The following ABI3BP variants were observed in gnomAD, a reference collection of about 807,000 sequenced individuals.
The protein encoded by ABI3BP is target of Nesh-SH3.
A neutral mutation model predicts 268.6 loss-of-function variants in ABI3BP; 216 were observed. The ratio of observed to expected loss-of-function variants is 0.80; its 90% CI spans 0.72 to 0.90. The LOEUF is 0.90. ABI3BP is among the 40% of genes least tolerant of loss of function. ABI3BP has a pLI of 0.00. For missense variants in ABI3BP, 2,090 were observed against 2,182.4 expected (o/e 0.96, Z 0.84); for synonymous variants, 730 against 730.0 (o/e 1.00, Z 0.00).
intron 63 of ABI3BP, among the ~76,000 whole-genome samples, chr3:100,759,395 T>G (rs1340109664): frequency 2.0e-5 from 3 of 152,074 alleles, no homozygotes; most frequent in Non-Finnish European, 2.9e-5. Context: ...ACATGTAAAG[T>G]TATTATGCTG....
intron 1 of ABI3BP, among the ~76,000 whole-genome samples, chr3:100,964,650 A>T (rs2080572631): frequency 6.6e-6 from 1 of 152,194 alleles, no homozygotes; most frequent in Non-Finnish European, 1.5e-5. Context: ...ACCTGAAGGC[A>T]CAATTGTCCA....
intron 1 of ABI3BP, among the ~76,000 whole-genome samples, chr3:100,942,725 G>A (rs2070027227): frequency 6.6e-6 from 1 of 152,036 alleles, no homozygotes; most frequent in Admixed American, 6.6e-5. Context: ...CATCATCTGG[G>A]AACTTGTGAG....
intron 14 of ABI3BP, among the ~76,000 whole-genome samples, chr3:100,855,412 T>C (rs1206332210): frequency 2.6e-5 from 4 of 152,234 alleles, no homozygotes; most frequent in Non-Finnish European, 5.9e-5. Flanking sequence ...TGTGAAAACT[T>C]CCTTTTTAAC....
At chr3:100,887,651 T>C (rs1005008766) in intron 4 of ABI3BP, among the ~76,000 whole-genome samples, 2 of 152,084 alleles carry the variant, frequency 1.3e-5, no homozygotes, top group Admixed American at 6.6e-5. Context: ...ATCTTAACAT[T>C]TTCCTCAAAA....
chr3:100,891,388 AGGCT>A (rs2044581092), intron 4 of ABI3BP, among the ~76,000 whole-genome samples: 1 of 152,242 alleles, frequency 6.6e-6, no homozygotes, highest in Non-Finnish European at 1.5e-5. Flanking sequence ...AGCAATGAGA[AGGCT>A]AGCAGGAGAC....
intron 17 of ABI3BP, among the ~76,000 whole-genome samples, chr3:100,849,424 AT>A (rs2098814038): frequency 6.6e-6 from 1 of 152,046 alleles, no homozygotes; most frequent in East Asian, 1.9e-4. Context: ...GGATTTCACC[AT>A]TTTGGCCATG....
intron 60 of ABI3BP, among the ~76,000 whole-genome samples, chr3:100,774,999 G>GT (rs2096660173): frequency 6.6e-6 from 1 of 152,160 alleles, no homozygotes; most frequent in African/African-American, 2.4e-5. Flanking sequence ...AAGTTACGCA[G>GT]TTTCTTCTAT....
At chr3:100,902,092 G>T (rs2050680631) in intron 3 of ABI3BP, among the ~76,000 whole-genome samples, 2 of 152,146 alleles carry the variant, frequency 1.3e-5, no homozygotes, top group South Asian at 2.1e-4. Flanking sequence ...GGTTAGAAGG[G>T]AGAGATAAGG....
At chr3:100,841,710 G>A (rs1580027652) in intron 21 of ABI3BP, among the ~76,000 whole-genome samples, 1 of 152,014 alleles carries the variant, frequency 6.6e-6, no homozygotes, top group Admixed American at 6.6e-5. Flanking sequence ...CCAGCGTGGT[G>A]AAACCCTGTC....
intron 14 of ABI3BP, among the ~76,000 whole-genome samples, chr3:100,861,209 G>A (rs1199410524): frequency 6.6e-6 from 1 of 152,080 alleles, no homozygotes. Flanking sequence ...AGGAAACTAG[G>A]GGTGACTATA....
At chr3:100,993,208 T>TC in intron 1 of ABI3BP, 98 bp downstream of exon 1, 5 of 848,982 alleles carry the variant, frequency 5.9e-6, no homozygotes, top group Non-Finnish European at 5.5e-6. Flanking sequence ...ATAACTCTAT[T>TC]CCCCCCGTAT....
rs1334693599 is a variant in ABI3BP at position 100,842,000 on chromosome 3, A to G, written c.1763T>C (p.Ile588Thr). 5 of 1,532,756 alleles carry G rather than the reference A, an allele frequency of 3.3e-6. No homozygotes were observed. The highest frequency in any genetic ancestry group is 4.4e-6 in the Non-Finnish European group (5 of 1,144,002). The allele number at this position is 1,532,756 out of a possible 1,614,324, so 94.9% of individuals were successfully genotyped here. The change falls in exon 21 of 68, where the codon ATA (isoleucine) becomes ACA (threonine). Residue 588 changes from isoleucine (I) to threonine (T), a missense_variant and splice_region_variant. Ile to Thr is a moderately conservative substitution (Grantham distance 89, BLOSUM62 -1). Transcript: ENST00000471714. ...PQTLLPSQST[I>T]GPETPGTKPS... ...CTCATTAAAAAAAGCTTTATTACCT[A>G]TTGTTGACTGTGATGGCAGTAGAGT...
chr3:100,787,578 G>T, intron 57 of ABI3BP, 150 bp downstream of exon 57: 1 of 595,210 alleles, frequency 1.7e-6, no homozygotes, highest in Non-Finnish European at 2.6e-6. Flanking sequence ...TTTGATTTTG[G>T]AATGAGTTAT....
Position 100,993,210 on chromosome 3 carries a change from C to G in ABI3BP, c.79+96G>C, listed in dbSNP as rs2093226123. On this transcript the variant is annotated intron_variant, in intron 1 of 67. Transcript: ENST00000471714. Reference sequence around the variant, plus strand: ...GAATCTCTGCAGAATAACTCTATTCCCCCCGTATGGTAAAGCAGATCATAT... The same window carrying G: ...GAATCTCTGCAGAATAACTCTATTCGCCCCGTATGGTAAAGCAGATCATAT... 3 of 868,552 alleles carry G rather than the reference C, an allele frequency of 3.5e-6. No individual in the cohort carries two copies. The South Asian group carries it at 5.6e-5, about 16-fold the overall frequency. The allele number at this position is 868,552 out of a possible 1,614,324, so 53.8% of individuals were successfully genotyped here. A position where few individuals can be genotyped will look rare whatever the true frequency, so the allele number is the denominator to read the frequency against.
intron 1 of ABI3BP, among the ~76,000 whole-genome samples, chr3:100,949,830 A>G (rs578160931): frequency 1.3e-5 from 2 of 152,322 alleles, no homozygotes; most frequent in East Asian, 3.9e-4. Flanking sequence ...TGTATAGTGG[A>G]ACATAATGGG....
intron 1 of ABI3BP, among the ~76,000 whole-genome samples, chr3:100,960,886 C>T (rs1023290179): frequency 6.6e-6 from 1 of 152,192 alleles, no homozygotes; most frequent in South Asian, 2.1e-4. Flanking sequence ...CCTCACAACA[C>T]CCCACCCTCC....
At chr3:100,884,566 AT>A (rs199810051) in intron 6 of ABI3BP, among the ~76,000 whole-genome samples, 20 of 151,806 alleles carry the variant, frequency 1.3e-4, no homozygotes, top group African/African-American at 3.9e-4. Context: ...ATATACTACT[AT>A]TTTTTTTCCA....
At chr3:100,783,499 C>T (rs1279120409) in intron 57 of ABI3BP, among the ~76,000 whole-genome samples, 3 of 152,192 alleles carry the variant, frequency 2.0e-5, no homozygotes, top group Non-Finnish European at 4.4e-5. Flanking sequence ...CAACTTCCCT[C>T]AGGGAGAAAG....
intron 4 of ABI3BP, among the ~76,000 whole-genome samples, chr3:100,889,487 A>G (rs1391182714): frequency 1.3e-5 from 2 of 152,268 alleles, no homozygotes; most frequent in South Asian, 2.1e-4. Context: ...TTTAATGTGT[A>G]TTTACCATAA....
Sources: allele counts gnomAD v4.1 joint callset (sites outside exome capture counted in the v4.1 genomes callset), GRCh38; gene constraint gnomAD v4.1.1; transcripts MANE v1.5; gene names NCBI Gene and HGNC (gene_info 2026-07-23, HGNC 2026-07-21).